The following EPB41L3 variants were observed in gnomAD, a reference collection of about 807,000 sequenced individuals.
EPB41L3 encodes the protein band 4.1-like protein 3.
A neutral mutation model predicts 127.1 loss-of-function variants in EPB41L3; 57 were observed. The ratio of observed to expected loss-of-function variants is 0.45; its 90% CI spans 0.36 to 0.56. EPB41L3 has a LOEUF of 0.56. Among genes scored for constraint, EPB41L3 ranks in the 20% least tolerant of loss-of-function variants. EPB41L3 has a pLI of 0.00. For missense variants in EPB41L3, 1,273 were observed against 1,372.2 expected (o/e 0.93, Z 1.14); for synonymous variants, 572 against 549.5 (o/e 1.04, Z -0.57).
At chr18:5,401,137 T>G in intron 16 of EPB41L3, 1 of 622,446 alleles carries the variant, frequency 1.6e-6, no homozygotes, top group Non-Finnish European at 2.8e-6. Flanking sequence ...GTATTATCTC[T>G]ATCTATCTAT....
chr18:5,509,820 T>C (rs1216965109), intron 1 of EPB41L3, among the ~76,000 whole-genome samples: 1 of 152,228 alleles, frequency 6.6e-6, no homozygotes, highest in Non-Finnish European at 1.5e-5. Context: ...CTTTGTTATC[T>C]TGTTTGCAAT....
chr18:5,445,778 G>A (rs1415077612), intron 3 of EPB41L3, among the ~76,000 whole-genome samples: 1 of 152,184 alleles, frequency 6.6e-6, no homozygotes, highest in Admixed American at 6.5e-5. Context: ...CCTGAGCTCC[G>A]CCTCCTGTCA....
At chr18:5,463,675 G>A (rs1444861588) in intron 3 of EPB41L3, 2 of 152,220 alleles carry the variant, frequency 1.3e-5, no homozygotes, top group Admixed American at 6.5e-5. Flanking sequence ...CAACCACAGG[G>A]AAATGAATTA....
intron 8 of EPB41L3, chr18:5,429,284 A>T (rs746383471): frequency 6.6e-6 from 1 of 152,138 alleles, no homozygotes; most frequent in Non-Finnish European, 1.5e-5. Context: ...CTACTTGCAC[A>T]TTTCATGTTT....
chr18:5,526,135 G>T (rs907496156), intron 1 of EPB41L3, among the ~76,000 whole-genome samples: 3 of 152,114 alleles, frequency 2.0e-5, no homozygotes, highest in African/African-American at 7.2e-5. Context: ...GCTGTTCCAG[G>T]CCTGAGACAT....
rs548070788 is a variant in EPB41L3, at chr18:5,408,140, C to T, written c.2122-404G>A. 1.3e-3 allele frequency among the ~76,000 whole-genome samples: 195 copies of T among 152,228 alleles called. 1 individual carries two copies. The highest frequency in any genetic ancestry group is 4.6e-3 in the African/African-American group (190 of 41,518). The stretch of plus-strand genomic sequence containing the variant: ...GAGCTCACATGTAGTGTATGAATCC[C>T]GCCCTATGAGGTTAGTGATTATGAT... On this transcript the variant is annotated intron_variant, in intron 14 of 22. Transcript: ENST00000341928.
At chr18:5,462,366 AGAATCAATCAAAGAGCAT>A (rs1161535459) in intron 3 of EPB41L3, among the ~76,000 whole-genome samples, 9 of 152,220 alleles carry the variant, frequency 5.9e-5, no homozygotes, top group Admixed American at 1.3e-4. Context: ...AGAAGGCACA[AGAATCAATCAAAGAGCAT>A]GACAACACTC....
intron 3 of EPB41L3, among the ~76,000 whole-genome samples, chr18:5,599,412 G>A (rs2094567552): frequency 1.3e-5 from 2 of 152,236 alleles, no homozygotes; most frequent in South Asian, 4.2e-4. Context: ...GCATTTTCCT[G>A]TTTAGGCACC....
intron 13 of EPB41L3, among the ~76,000 whole-genome samples, chr18:5,411,578 A>G (rs1427196097): frequency 6.6e-6 from 1 of 151,884 alleles, no homozygotes; most frequent in Non-Finnish European, 1.5e-5. Context: ...GGACATCTAA[A>G]TGCCCTAATA....
intron 3 of EPB41L3, among the ~76,000 whole-genome samples, chr18:5,469,773 A>AT (rs534492142): frequency 0.016 from 2,158 of 139,072 alleles, 23 homozygotes; most frequent in African/African-American, 0.023. Flanking sequence ...TGTAGAATGA[A>AT]TTTTTTTTTT....
chr18:5,473,722 GAAAT>G (rs1349611545), intron 3 of EPB41L3, among the ~76,000 whole-genome samples: 1 of 152,066 alleles, frequency 6.6e-6, no homozygotes, highest in East Asian at 1.9e-4. Context: ...TGTAGTTTGA[GAAAT>G]AAGCATCAAC....
At chr18:5,629,605 C>T (rs537428896), upstream of EPB41L3, among the ~76,000 whole-genome samples, 1 of 152,336 alleles carries the variant, frequency 6.6e-6, no homozygotes, top group East Asian at 1.9e-4. Context: ...CCCCCCCCTC[C>T]CCCGCGTTTC....
intron 1 of EPB41L3, among the ~76,000 whole-genome samples, chr18:5,517,286 C>T (rs532168919): frequency 2.0e-5 from 3 of 151,996 alleles, no homozygotes; most frequent in Admixed American, 6.5e-5. Context: ...AAAGGTCTCC[C>T]GCTTACGTTC....
Position 5,424,308 on chromosome 18 carries a change from C to T in EPB41L3, c.1117G>A (p.Ala373Thr). Residue 373 changes from alanine to threonine, a missense_variant, in exon 10 of 23, where the codon GCC becomes ACC. Ala to Thr is a moderately conservative substitution (Grantham distance 58). Transcript: ENST00000341928. ...ACACATACTTTCCATAAACGCTTGG[C>T]AGCTCGATGGTTTGGCAGCTTAAAC... ...IGFKLPNHRA[A>T]KRLWKVCVEH... The T allele has an allele frequency of 6.2e-7, 1 of 1,608,068 alleles. No individual in the cohort carries two copies. The highest frequency in any genetic ancestry group is 8.5e-7 in the Non-Finnish European group (1 of 1,177,304).
intron 1 of EPB41L3, among the ~76,000 whole-genome samples, chr18:5,494,174 T>C (rs1335568431): frequency 6.6e-6 from 1 of 152,098 alleles, no homozygotes; most frequent in Non-Finnish European, 1.5e-5. Context: ...ATCCAAACCT[T>C]TGATCTCTGC....
In EPB41L3 at chr18:5,396,285, C is replaced by G. The variant is rs375597366; in HGVS notation, c.2889G>C (p.Pro963=). 6.2e-7 allele frequency: 1 copy of G among 1,614,156 alleles called. No homozygotes were observed. The highest frequency in any genetic ancestry group is 8.5e-7 in the Non-Finnish European group (1 of 1,180,012). ...TGGAAATTTCTAGCTTTACTCCTCCCGGTGAAACACTGCCAAAACTGATGG... is the reference window on the plus strand; with the variant it reads ...TGGAAATTTCTAGCTTTACTCCTCCGGGTGAAACACTGCCAAAACTGATGG... ...TETISFGSVS[P]GGVKLEISTK... is the part of the protein sequence containing the mutation. Residue 963 remains proline (P), a synonymous_variant, in exon 19 of 23, where the codon CCG becomes CCC. Transcript: ENST00000341928.
intron 1 of EPB41L3, among the ~76,000 whole-genome samples, chr18:5,534,726 C>T (rs1461892812): frequency 6.6e-6 from 1 of 152,138 alleles, no homozygotes; most frequent in East Asian, 1.9e-4. Context: ...AGGACAACAG[C>T]ATATACTACT....
intron 3 of EPB41L3, among the ~76,000 whole-genome samples, chr18:5,449,763 T>C (rs1381987594): frequency 1.3e-5 from 2 of 152,212 alleles, no homozygotes; most frequent in Admixed American, 6.5e-5. Context: ...AGTCTCCCAT[T>C]GTCCATGGGA....
chr18:5,470,756 G>A (rs972063837), intron 3 of EPB41L3, among the ~76,000 whole-genome samples: 4 of 152,180 alleles, frequency 2.6e-5, no homozygotes, highest in Non-Finnish European at 5.9e-5. Flanking sequence ...CACCTTAAGG[G>A]ATTTTTGGAA....
Sources: gnomAD v4.1 joint callset for allele counts (sites outside exome capture counted in the v4.1 genomes callset) on GRCh38, gnomAD v4.1.1 for gene constraint, MANE v1.5 for transcripts, NCBI Gene and HGNC (gene_info 2026-07-23, HGNC 2026-07-21) for gene names.